Variants in SHQ1 observed in about 807,000 individuals in gnomAD.
SHQ1 encodes the protein SHQ1, H/ACA ribonucleoprotein assembly factor.
SHQ1 carries 49 observed loss-of-function variants against 53.8 expected under a neutral mutation model. That is an observed-to-expected ratio of 0.91 (90% confidence interval 0.72 to 1.16). The LOEUF (loss-of-function observed/expected upper bound fraction) is 1.16, where lower values mean the gene tolerates loss of function less well. Ranked by LOEUF, SHQ1 falls within the 50% of genes most tolerant of loss-of-function variation. SHQ1 has a pLI of 0.00. For missense variants in SHQ1, 738 were observed against 683.1 expected, an observed-to-expected ratio of 1.08 and a Z score of -0.90; for synonymous variants, 243 against 251.0, an observed-to-expected ratio of 0.97 and a Z score of 0.30.
the SHQ1 span, among the ~76,000 whole-genome samples, chr3:72,733,746 C>T: frequency 1.3e-5 from 2 of 151,608 alleles, no homozygotes; most frequent in African/African-American, 4.9e-5. Context: ...GAAGTGTGTC[C>T]TTCATGAAGC....
At chr3:72,761,494 AT>A (rs1386700740) in intron 10 of SHQ1, among the ~76,000 whole-genome samples, 31 of 152,230 alleles carry the variant, frequency 2.0e-4, no homozygotes, top group Non-Finnish European at 2.9e-5. Flanking sequence ...TTTTAGATGT[AT>A]TTGAATAATA....
intron 10 of SHQ1, chr3:72,752,999 T>C: frequency 1.0e-6 from 1 of 985,440 alleles, no homozygotes; most frequent in South Asian, 4.7e-5. Context: ...GCTAGATTTA[T>C]AATATTACAT....
At chr3:72,821,855 C>T (rs767525207) in intron 6 of SHQ1, among the ~76,000 whole-genome samples, 3 of 152,130 alleles carry the variant, frequency 2.0e-5, no homozygotes, top group Admixed American at 6.5e-5. Context: ...CAATTTATTC[C>T]TCCAATTCTG....
chr3:72,755,669 CTGTTT>C (rs1240550892), intron 10 of SHQ1, among the ~76,000 whole-genome samples: 1 of 152,214 alleles, frequency 6.6e-6, no homozygotes, highest in East Asian at 1.9e-4. Flanking sequence ...GAAAGAGTAG[CTGTTT>C]TGTTTTTTTC....
chr3:72,726,316 G>T, the SHQ1 span, among the ~76,000 whole-genome samples: 1 of 152,026 alleles, frequency 6.6e-6, no homozygotes, highest in Non-Finnish European at 1.5e-5. Flanking sequence ...CTTGGGCAGG[G>T]CAGTAAGATA....
intron 9 of SHQ1, among the ~76,000 whole-genome samples, chr3:72,799,194 GAAA>G (rs1248284087): frequency 6.6e-6 from 1 of 151,588 alleles, no homozygotes; most frequent in Non-Finnish European, 1.5e-5. Flanking sequence ...AATAAGTAAA[GAAA>G]AAAAGAGTGG....
chr3:72,772,572 A>G, intron 10 of SHQ1: 1 of 697,280 alleles, frequency 1.4e-6, no homozygotes. Flanking sequence ...CAATTTATCC[A>G]GAACCATTTT....
chr3:72,824,493 T>C lies in SHQ1; in HGVS notation c.658A>G (p.Thr220Ala). ...GCCATCATTTTTGAATATTTGTCAGTCCACCAAGGATTATACTTCAAAATC... is the reference window on the plus strand; with the variant it reads ...GCCATCATTTTTGAATATTTGTCAGCCCACCAAGGATTATACTTCAAAATC... ...EQILKYNPWW[T>A]DKYSKMMAFL... Residue 220 changes from threonine (T) to alanine (A), a missense_variant, in exon 6 of 11, where the codon ACT becomes GCT. Transcript: ENST00000325599. 1.2e-6 allele frequency: 2 copies of C among 1,613,116 alleles called. No homozygotes were observed. The highest frequency in any genetic ancestry group is 2.2e-5 in the South Asian group (2 of 90,864).
intron 4 of SHQ1, among the ~76,000 whole-genome samples, chr3:72,833,897 G>A (rs906909018): frequency 7.2e-5 from 11 of 152,164 alleles, no homozygotes; most frequent in African/African-American, 2.7e-4. Flanking sequence ...TACAGAAACT[G>A]GAAGAAGCTT....
intron 6 of SHQ1, among the ~76,000 whole-genome samples, chr3:72,819,619 G>A (rs1707417514): frequency 6.6e-6 from 1 of 152,108 alleles, no homozygotes; most frequent in South Asian, 2.1e-4. Flanking sequence ...AGGAATAAGA[G>A]GAAGAGGAAG....
chr3:72,831,046 T>C (rs1323798282), intron 5 of SHQ1, among the ~76,000 whole-genome samples: 1 of 152,212 alleles, frequency 6.6e-6, no homozygotes, highest in Admixed American at 6.5e-5. Flanking sequence ...CCACTTTAAA[T>C]ATTCAGCATG....
chr3:72,809,955 G>C (rs1707067473), intron 9 of SHQ1: 1 of 143,974 alleles, frequency 6.9e-6, no homozygotes. Flanking sequence ...GCAAAATTCT[G>C]TCCAAAGGAA....
intron 7 of SHQ1, among the ~76,000 whole-genome samples, chr3:72,816,390 T>A (rs1035689790): frequency 6.6e-6 from 1 of 152,186 alleles, no homozygotes; most frequent in Non-Finnish European, 1.5e-5. Flanking sequence ...GTGTATATTT[T>A]CCTTCATATG....
chr3:72,728,544 C>G, the SHQ1 span, among the ~76,000 whole-genome samples: 1 of 152,338 alleles, frequency 6.6e-6, no homozygotes, highest in African/African-American at 2.4e-5. Flanking sequence ...CACCAACAGA[C>G]TCTGAACCCT....
Position 72,832,486 on chromosome 3 carries a change from G to C in SHQ1, c.487-5C>G, listed in dbSNP as rs1333806577. 1 of 1,571,804 alleles carries C rather than the reference G, an allele frequency of 6.4e-7. No homozygotes were observed. Among genetic ancestry groups the C allele is most frequent in the African/African-American group, 1.4e-5 (1 of 72,842 alleles). ...AATAACATCACTCAGTTCATCCTGA[G>C]GACACCCAGAAAAGAAAGAATAATT... is the stretch of plus-strand genomic sequence containing the variant. On this transcript the variant is annotated splice_polypyrimidine_tract_variant and splice_region_variant and intron_variant, in intron 4 of 10. Coordinates refer to ENST00000325599, the MANE Select transcript of SHQ1 (RefSeq NM_018130.3).
intron 5 of SHQ1, among the ~76,000 whole-genome samples, chr3:72,828,495 G>A (rs1238889727): frequency 6.6e-6 from 1 of 152,144 alleles, no homozygotes; most frequent in African/African-American, 2.4e-5. Context: ...AGGAGTTCAA[G>A]ACCAGCCTGG....
At chr3:72,800,175 C>A (rs1446787787) in intron 9 of SHQ1, among the ~76,000 whole-genome samples, 2 of 152,120 alleles carry the variant, frequency 1.3e-5, no homozygotes, top group Non-Finnish European at 2.9e-5. Context: ...CCATGTGATA[C>A]CCTCTGCCAC....
At chr3:72,757,627 T>C (rs983003244) in intron 10 of SHQ1, among the ~76,000 whole-genome samples, 7 of 152,180 alleles carry the variant, frequency 4.6e-5, no homozygotes, top group African/African-American at 7.2e-5. Flanking sequence ...ATATACACCA[T>C]GGAATACCAT....
chr3:72,759,086 T>G (rs1028792049), intron 10 of SHQ1, among the ~76,000 whole-genome samples: 4 of 152,242 alleles, frequency 2.6e-5, no homozygotes, highest in African/African-American at 9.6e-5. Flanking sequence ...TGTTTGTGTC[T>G]TAGTGTCTCT....
Sources: allele counts gnomAD v4.1 joint callset (sites outside exome capture counted in the v4.1 genomes callset), GRCh38; gene constraint gnomAD v4.1.1; transcripts MANE v1.5; gene names NCBI Gene and HGNC (gene_info 2026-07-23, HGNC 2026-07-21).